Variants in SMARCA2 observed in about 807,000 individuals in gnomAD.
The protein encoded by SMARCA2 is SWI/SNF-related matrix-associated actin-dependent regulator of chromatin subfamily A member 2.
In SMARCA2, 61 loss-of-function variants were observed where a neutral mutation model predicts 199.8. The ratio of observed to expected loss-of-function variants is 0.31; its 90% CI spans 0.25 to 0.38. SMARCA2 has a LOEUF of 0.38. Ranked by LOEUF, SMARCA2 falls within the 10% of genes least tolerant of loss-of-function variation. The pLI, the probability that SMARCA2 is intolerant of heterozygous loss-of-function variation, is 1.00. For missense variants in SMARCA2, 1,344 were observed against 2,012.2 expected (o/e 0.67, Z 6.35); for synonymous variants, 935 against 732.0 (o/e 1.28, Z -4.48).
intron 27 of SMARCA2, among the ~76,000 whole-genome samples, chr9:2,134,383 G>A (rs1047575712): frequency 3.3e-5 from 5 of 151,984 alleles, no homozygotes; most frequent in Admixed American, 6.6e-5. Flanking sequence ...ACCCAAACTC[G>A]CTCGGCCATT....
chr9:2,048,356 CTT>C (rs1819972537), intron 5 of SMARCA2, among the ~76,000 whole-genome samples: 1 of 152,192 alleles, frequency 6.6e-6, no homozygotes, highest in African/African-American at 2.4e-5. Flanking sequence ...AGTTATGTCT[CTT>C]TTCTGTGACT....
intron 2 of SMARCA2, among the ~76,000 whole-genome samples, chr9:2,032,270 C>G (rs977048400): frequency 7.2e-5 from 11 of 152,186 alleles, no homozygotes; most frequent in African/African-American, 2.7e-4. Context: ...GGATTAATGT[C>G]GATTCAATAG....
chr9:2,092,341 G>A (rs183360125), intron 19 of SMARCA2, among the ~76,000 whole-genome samples: 4 of 152,224 alleles, frequency 2.6e-5, no homozygotes, highest in African/African-American at 9.6e-5. Context: ...GCTTACATTG[G>A]CAATTTGTGT....
Position 2,172,434 on chromosome 9 carries a change from G to C in SMARCA2, c.4253+1962G>C, listed in dbSNP as rs868626802. Among the ~76,000 whole-genome samples, 52 of 151,878 alleles carry C rather than the reference G, an allele frequency of 3.4e-4. 1 individual carries two copies. The Middle Eastern group carries it at 0.02, about 60-fold the overall frequency. Reference sequence around the variant, plus strand: ...TCAAACAGACGGGTGAAGGGAGGATGGGTGGGGGGGCAGAGCTTGTGGTGG... The same window carrying C: ...TCAAACAGACGGGTGAAGGGAGGATCGGTGGGGGGGCAGAGCTTGTGGTGG... On this transcript the variant is annotated intron_variant, in intron 29 of 33. Coordinates refer to ENST00000349721, the MANE Select transcript of SMARCA2 (RefSeq NM_003070.5).
intron 19 of SMARCA2, among the ~76,000 whole-genome samples, chr9:2,092,599 T>G (rs919593390): frequency 1.6e-4 from 25 of 152,222 alleles, no homozygotes; most frequent in African/African-American, 6.0e-4. Context: ...GTTCAAATAC[T>G]TCTACAGGGG....
intron 27 of SMARCA2, among the ~76,000 whole-genome samples, chr9:2,130,150 A>G (rs1469628947): frequency 2.0e-5 from 3 of 152,208 alleles, no homozygotes; most frequent in African/African-American, 4.8e-5. Flanking sequence ...CACCATGCCC[A>G]GCCTGACAGA....
intron 19 of SMARCA2, among the ~76,000 whole-genome samples, chr9:2,092,793 T>A (rs1822114298): frequency 6.6e-6 from 1 of 152,232 alleles, no homozygotes; most frequent in Non-Finnish European, 1.5e-5. Flanking sequence ...CCTAACTTAC[T>A]GGGAGAATCA....
chr9:2,135,098 G>A (rs1017516539), intron 27 of SMARCA2, among the ~76,000 whole-genome samples: 1 of 152,174 alleles, frequency 6.6e-6, no homozygotes, highest in African/African-American at 2.4e-5. Flanking sequence ...TGGTATAATT[G>A]AGTCCAAGTC....
intron 24 of SMARCA2, among the ~76,000 whole-genome samples, chr9:2,111,051 T>G (rs546475595): frequency 2.2e-4 from 33 of 152,178 alleles, no homozygotes; most frequent in East Asian, 7.7e-4. Flanking sequence ...GTTTTGTTTT[T>G]TTTTTTTTAA....
At chr9:2,120,468 A>G (rs561455634) in intron 26 of SMARCA2, among the ~76,000 whole-genome samples, 1 of 152,212 alleles carries the variant, frequency 6.6e-6, no homozygotes, top group African/African-American at 2.4e-5. Context: ...TGATCTCTAG[A>G]TTTTAAAACA....
In SMARCA2 at chr9:2,047,389, C is replaced by A; in HGVS notation, c.951C>A (p.Pro317=). The part of the protein sequence containing the change: ...VPQPAPGQPS[P]VLQLQQKQSR... ...AGCCGGCCCCGGGGCAGCCCTCGCC[C>A]GTCCTCCAGCTGCAGCAGAAGCAGA... is the stretch of plus-strand genomic sequence containing the variant. Residue 317 remains proline (P), a synonymous_variant, in exon 5 of 34, where the codon CCC becomes CCA. Coordinates refer to ENST00000349721, the MANE Select transcript of SMARCA2 (RefSeq NM_003070.5). The A allele has an allele frequency of 6.3e-7, 1 of 1,583,682 alleles. No homozygotes were observed. The highest frequency in any genetic ancestry group is 8.6e-7 in the Non-Finnish European group (1 of 1,166,194).
intron 8 of SMARCA2, among the ~76,000 whole-genome samples, chr9:2,058,730 A>G (rs1015028819): frequency 9.2e-5 from 14 of 152,216 alleles, no homozygotes; most frequent in African/African-American, 3.4e-4. Flanking sequence ...AGCTTCTCTC[A>G]TAAAAGCAGG....
intron 32 of SMARCA2, among the ~76,000 whole-genome samples, chr9:2,187,759 C>G (rs1827577121): frequency 6.6e-6 from 1 of 152,014 alleles, no homozygotes; most frequent in Non-Finnish European, 1.5e-5. Context: ...CTGTATACCT[C>G]TCAAAGTAAA....
chr9:2,163,629 T>C (rs1279688111), intron 28 of SMARCA2, among the ~76,000 whole-genome samples: 1 of 152,212 alleles, frequency 6.6e-6, no homozygotes, highest in Admixed American at 6.5e-5. Flanking sequence ...TGTATATACA[T>C]CAAACTTTTT....
At chr9:2,166,892 C>G (rs1825959179) in intron 28 of SMARCA2, among the ~76,000 whole-genome samples, 1 of 152,198 alleles carries the variant, frequency 6.6e-6, no homozygotes, top group African/African-American at 2.4e-5. Context: ...CAATCTATCA[C>G]CCTAGAAACC....
intron 29 of SMARCA2, among the ~76,000 whole-genome samples, chr9:2,173,907 A>G (rs1256833382): frequency 6.6e-6 from 1 of 152,208 alleles, no homozygotes; most frequent in African/African-American, 2.4e-5. Context: ...TATTACATTC[A>G]GTGCAGAGAG....
At chr9:2,024,971 A>G (rs1015465623) in intron 1 of SMARCA2, among the ~76,000 whole-genome samples, 4 of 152,204 alleles carry the variant, frequency 2.6e-5, no homozygotes, top group Non-Finnish European at 4.4e-5. Context: ...GTTGGTTACA[A>G]TTAGACTGTA....
intron 29 of SMARCA2, among the ~76,000 whole-genome samples, chr9:2,179,205 TAGAAG>T (rs1284136624): frequency 2.0e-5 from 3 of 152,248 alleles, no homozygotes; most frequent in Middle Eastern, 3.4e-3. Flanking sequence ...CTCTCCTGAC[TAGAAG>T]AGAAGTGTGT....
At chr9:2,040,260 C>A in intron 4 of SMARCA2, 1 of 434,790 alleles carries the variant, frequency 2.3e-6, no homozygotes. Flanking sequence ...ACTCACTGCT[C>A]AGATCAGCCC....
Sources: allele counts gnomAD v4.1 joint callset (sites outside exome capture counted in the v4.1 genomes callset), GRCh38; gene constraint gnomAD v4.1.1; transcripts MANE v1.5; gene names NCBI Gene and HGNC (gene_info 2026-07-23, HGNC 2026-07-21).